The following SRGAP3 variants were observed in gnomAD, a reference collection of about 807,000 sequenced individuals.
SRGAP3 encodes the protein SLIT-ROBO Rho GTPase-activating protein 3.
In SRGAP3, 39 loss-of-function variants were observed where a neutral mutation model predicts 121.1. The ratio of observed to expected loss-of-function variants is 0.32; its 90% confidence interval spans 0.25 to 0.42. The LOEUF is 0.42. SRGAP3 is among the 10% of genes least tolerant of loss of function. SRGAP3 has a pLI of 1.00. For missense variants in SRGAP3, 1,213 were observed against 1,470.6 expected (o/e 0.82, Z 2.86); for synonymous variants, 601 against 570.0 (o/e 1.05, Z -0.77).
intron 19 of SRGAP3, 32 bp from the exon 20 acceptor site, chr3:8,993,087 C>G: frequency 6.2e-7 from 1 of 1,612,724 alleles, no homozygotes; most frequent in South Asian, 1.1e-5. Context: ...ATTGGAGGCA[C>G]CTTCCCCCAA....
At position 9,239,931 on chromosome 3, in the gene SRGAP3, CAG is replaced by C. The variant is rs1361092067; in HGVS notation, c.67+8952_67+8953del. On this transcript the variant is annotated intron_variant, in intron 1 of 21. Coordinates refer to ENST00000383836, the MANE Select transcript of SRGAP3 (RefSeq NM_014850.4). The surrounding 1 kb of genome is among the most constrained non-coding windows in gnomAD (Gnocchi z 4.0). ...GCCTGACATATTCTAAAATGTAACT[CAG>C]AAAACAGAGTCTTGTGACCCAGTCC... 1.3e-5 allele frequency among the ~76,000 whole-genome samples: 2 copies of C among 152,170 alleles called. No individual in the cohort carries two copies. The highest frequency in any genetic ancestry group is 3.8e-4 in the East Asian group (2 of 5,200).
chr3:9,058,476 G>A lies in SRGAP3; in HGVS notation c.802-4C>T, dbSNP rs200942395. 6.2e-7 allele frequency: 1 copy of A among 1,613,600 alleles called. No homozygotes were observed. Among genetic ancestry groups the A allele is most frequent in the Non-Finnish European group, 8.5e-7 (1 of 1,180,000 alleles). ...CATGGAAGCCCAAATCACAGCACTT[G>A]GGGAGAGGCAACAACGGAAGGTTAT... is the stretch of plus-strand genomic sequence containing the variant. On this transcript the variant is annotated splice_region_variant and splice_polypyrimidine_tract_variant and intron_variant, in intron 6 of 21. Coordinates refer to ENST00000383836, the MANE Select transcript of SRGAP3 (RefSeq NM_014850.4).
chr3:9,198,729 T>G (rs919147132), intron 1 of SRGAP3, among the ~76,000 whole-genome samples: 1 of 151,788 alleles, frequency 6.6e-6, no homozygotes, highest in African/African-American at 2.4e-5. Flanking sequence ...AAGGAAGAGG[T>G]TGCAGGGCCC....
At chr3:9,114,244 T>C (rs1456868577) in intron 2 of SRGAP3, among the ~76,000 whole-genome samples, 1 of 152,208 alleles carries the variant, frequency 6.6e-6, no homozygotes, top group Non-Finnish European at 1.5e-5. Flanking sequence ...CTCATAGTGG[T>C]GCCTGGAGGA....
At chr3:9,018,095 ACATT>A (rs1475644080) in intron 14 of SRGAP3, among the ~76,000 whole-genome samples, 2 of 152,326 alleles carry the variant, frequency 1.3e-5, no homozygotes, top group East Asian at 3.9e-4. Flanking sequence ...AGGAGTGAGA[ACATT>A]CAGAAATCTT....
At chr3:9,006,228 G>A (rs1420565250) in intron 18 of SRGAP3, among the ~76,000 whole-genome samples, 4 of 151,834 alleles carry the variant, frequency 2.6e-5, no homozygotes, top group Admixed American at 1.3e-4. Context: ...GTGAAACCCC[G>A]TCTCTACTAA....
chr3:9,027,078 C>G (rs951364671), intron 12 of SRGAP3, 83 bp from the exon 13 acceptor site: 7 of 1,267,432 alleles, frequency 5.5e-6, no homozygotes, highest in African/African-American at 1.5e-5. Context: ...ATTACAGACT[C>G]AAGCCAGAAT....
At chr3:9,019,154 T>A (rs1943786553) in intron 14 of SRGAP3, among the ~76,000 whole-genome samples, 1 of 152,256 alleles carries the variant, frequency 6.6e-6, no homozygotes, top group Admixed American at 6.5e-5. Context: ...TTTGTTATTA[T>A]AAATATTGCC....
chr3:9,174,907 T>C (rs1160235713), intron 1 of SRGAP3, among the ~76,000 whole-genome samples: 1 of 152,096 alleles, frequency 6.6e-6, no homozygotes, highest in Non-Finnish European at 1.5e-5. Context: ...CTGAGGCCCA[T>C]GTGAGAAATG....
chr3:9,022,782 G>A (rs927212074), intron 14 of SRGAP3, among the ~76,000 whole-genome samples: 5 of 152,226 alleles, frequency 3.3e-5, no homozygotes, highest in African/African-American at 1.2e-4. Flanking sequence ...GCGAGAGAAT[G>A]AGATTCGTTT....
At position 9,299,117 on chromosome 3, in the gene SRGAP3, C is replaced by A. The variant is rs1224923285; in HGVS notation, n.442+26893G>T. 2.1e-5 allele frequency among the ~76,000 whole-genome samples: 3 copies of A among 145,632 alleles called. No individual in the cohort carries two copies. The Admixed American group carries it at 2.1e-4, about 10-fold the overall frequency. The stretch of plus-strand genomic sequence containing the variant: ...GTGGCTCACACCTGTAATCACAGCA[C>A]TTTGGGAGGCCGAGCCGGATGGATC... On this transcript the variant is annotated intron_variant and non_coding_transcript_variant, in intron 3 of 3. Transcript: ENST00000490889.
intron 10 of SRGAP3, among the ~76,000 whole-genome samples, chr3:9,039,165 C>T (rs1450328182): frequency 6.6e-6 from 1 of 152,210 alleles, no homozygotes; most frequent in African/African-American, 2.4e-5. Flanking sequence ...GACCTCTCCG[C>T]ACCATGCTGC....
chr3:9,096,962 T>TA (rs1222029923), intron 3 of SRGAP3, among the ~76,000 whole-genome samples: 1 of 93,886 alleles, frequency 1.1e-5, no homozygotes, highest in Non-Finnish European at 2.1e-5. Flanking sequence ...TATATATATA[T>TA]ATATATATAT....
intron 1 of SRGAP3, among the ~76,000 whole-genome samples, chr3:9,233,773 T>C (rs749089256): frequency 6.6e-6 from 1 of 152,198 alleles, no homozygotes; most frequent in Non-Finnish European, 1.5e-5. Flanking sequence ...CCATGCACAC[T>C]GCACCACTCC....
intron 15 of SRGAP3, 135 bp from the exon 16 acceptor site, chr3:9,013,977 G>C: frequency 7.5e-6 from 6 of 804,312 alleles, no homozygotes; most frequent in Non-Finnish European, 1.3e-5. Flanking sequence ...AGGGATCACA[G>C]GTGATCCTGG....
At chr3:9,298,147 T>C (rs1333254819) in intron 3 of SRGAP3, among the ~76,000 whole-genome samples, 1 of 152,186 alleles carries the variant, frequency 6.6e-6, no homozygotes, top group African/African-American at 2.4e-5. Flanking sequence ...CTAATACACT[T>C]GACCTCAGTT....
intron 2 of SRGAP3, among the ~76,000 whole-genome samples, chr3:9,328,810 C>A (rs1025118547): frequency 6.6e-6 from 1 of 152,202 alleles, no homozygotes; most frequent in African/African-American, 2.4e-5. Flanking sequence ...CTGCTCTTCC[C>A]AGAAGGAATC....
At chr3:9,032,625 G>C (rs760921903) in intron 12 of SRGAP3, 25 bp downstream of exon 12, 1 of 1,606,040 alleles carries the variant, frequency 6.2e-7, no homozygotes, top group Non-Finnish European at 8.5e-7. Flanking sequence ...TGCATTCGCG[G>C]ACTCCACGGC....
At chr3:9,094,004 A>C (rs192252780) in intron 3 of SRGAP3, among the ~76,000 whole-genome samples, 156 of 152,320 alleles carry the variant, frequency 1.0e-3, no homozygotes, top group Non-Finnish European at 1.5e-3. Flanking sequence ...AAATTAGATA[A>C]CAAAATTTTG....
Sources: allele counts gnomAD v4.1 joint callset (sites outside exome capture counted in the v4.1 genomes callset), GRCh38; gene constraint gnomAD v4.1.1; non-coding constraint Gnocchi (gnomAD v3.1); transcripts MANE v1.5; gene names NCBI Gene and HGNC (gene_info 2026-07-23, HGNC 2026-07-21).